Variants in PDXDC1 observed in about 807,000 individuals in gnomAD.
PDXDC1 encodes the protein pyridoxal dependent decarboxylase domain containing 1.
In PDXDC1, 42 loss-of-function variants were observed where a neutral mutation model predicts 100.1. The observed-to-expected ratio is 0.42, with a 90% CI of 0.33 to 0.54. PDXDC1 has a LOEUF of 0.54. Among genes scored for constraint, PDXDC1 ranks in the 20% least tolerant of loss-of-function variants. The pLI is 0.10. For synonymous variants in PDXDC1, 260 were observed against 371.7 expected, an observed-to-expected ratio of 0.70 and a Z score of 3.46; for missense variants, 636 against 979.2, an observed-to-expected ratio of 0.65 and a Z score of 4.68.
At chr16:15,091,308 T>C (rs771387496) in intron 16 of PDXDC1, 31 of 1,602,598 alleles carry the variant, frequency 1.9e-5, no homozygotes, top group Non-Finnish European at 2.5e-5. Context: ...AACACAAAAT[T>C]AATTACCTTT....
chr16:15,135,837 G>GT, intron 16 of PDXDC1: 1 of 1,475,542 alleles, frequency 6.8e-7, no homozygotes, highest in Non-Finnish European at 9.5e-7. Flanking sequence ...TGGATGCTCC[G>GT]TGCCAGTGGC....
At chr16:15,015,560 C>CA (rs1220564227) in intron 8 of PDXDC1, among the ~76,000 whole-genome samples, 1 of 152,162 alleles carries the variant, frequency 6.6e-6, no homozygotes, top group Non-Finnish European at 1.5e-5. Flanking sequence ...ACTAAAAATA[C>CA]AAAAAAATTA....
At chr16:15,028,275 T>C (rs1218031015) in intron 14 of PDXDC1, among the ~76,000 whole-genome samples, 1 of 152,296 alleles carries the variant, frequency 6.6e-6, no homozygotes, top group Non-Finnish European at 1.5e-5. Flanking sequence ...TCTCTTCTGG[T>C]GCCAGCTCCT....
chr16:15,109,892 G>T (rs1598116825), intron 16 of PDXDC1, among the ~76,000 whole-genome samples: 2 of 140,652 alleles, frequency 1.4e-5, no homozygotes, highest in South Asian at 4.6e-4. Context: ...GGTGGCTCAC[G>T]CCTCTAATCC....
chr16:15,152,286 G>A, the PDXDC1 span, among the ~76,000 whole-genome samples: 1 of 131,030 alleles, frequency 7.6e-6, no homozygotes, highest in Non-Finnish European at 1.7e-5. Flanking sequence ...CACCCAGACA[G>A]CAACGCTCCT....
At chr16:15,017,601 A>T (rs1008591662) in intron 11 of PDXDC1, among the ~76,000 whole-genome samples, 179 bp downstream of exon 11, 2 of 152,294 alleles carry the variant, frequency 1.3e-5, no homozygotes, top group Non-Finnish European at 2.9e-5. Context: ...ATTGTATAAT[A>T]TTCTGTCACA....
At chr16:15,130,633 A>G in intron 16 of PDXDC1, 1 of 1,289,978 alleles carries the variant, frequency 7.8e-7, no homozygotes. Context: ...CGCAGAGCTC[A>G]CCCCGGGGAA....
chr16:15,017,830 C>T (rs2151504148), intron 11 of PDXDC1, among the ~76,000 whole-genome samples: 1 of 150,932 alleles, frequency 6.6e-6, no homozygotes, highest in South Asian at 2.1e-4. Context: ...CTCGCTCTGT[C>T]ACCCAGGCTG....
At chr16:15,140,526 A>T (rs2048454868), downstream of PDXDC1, among the ~76,000 whole-genome samples, 1 of 152,082 alleles carries the variant, frequency 6.6e-6, no homozygotes, top group African/African-American at 2.4e-5. Context: ...CAAAAACAAA[A>T]AAAGAAAAAC....
At chr16:15,069,636 A>G (rs1249672636) in intron 16 of PDXDC1, among the ~76,000 whole-genome samples, 2 of 152,190 alleles carry the variant, frequency 1.3e-5, no homozygotes, top group Non-Finnish European at 2.9e-5. Context: ...GCCACTAACC[A>G]TGTGATCTTG....
At chr16:15,078,033 G>C (rs2045539474) in intron 16 of PDXDC1, among the ~76,000 whole-genome samples, 1 of 152,084 alleles carries the variant, frequency 6.6e-6, no homozygotes, top group Non-Finnish European at 1.5e-5. Context: ...TATTTATTTT[G>C]GTATATCACC....
Position 15,034,264 on chromosome 16 carries a change from GTCTT to G in PDXDC1, c.1813-17_1813-14del. 1.2e-6 allele frequency: 2 copies of G among 1,608,788 alleles called. No individual in the cohort carries two copies. Among genetic ancestry groups the G allele is most frequent in the Non-Finnish European group, 1.7e-6 (2 of 1,176,306 alleles). On this transcript the variant is annotated intron_variant, in intron 19 of 22. Transcript: ENST00000396410. Reference sequence around the variant, plus strand: ...CAGGTGAGAACCTTAAACAAGTAATGTCTTTCTTGGTCTTGCCACAGCTTCTGGA... The same window carrying G: ...CAGGTGAGAACCTTAAACAAGTAATGTCTTGGTCTTGCCACAGCTTCTGGA...
intron 3 of PDXDC1, among the ~76,000 whole-genome samples, chr16:15,001,204 A>G (rs1238009307): frequency 6.6e-6 from 1 of 151,836 alleles, no homozygotes; most frequent in Non-Finnish European, 1.5e-5. Flanking sequence ...AAAATAAAAA[A>G]ACGGCTGGGC....
At chr16:15,101,380 G>A (rs1166656239) in intron 16 of PDXDC1, among the ~76,000 whole-genome samples, 4 of 152,146 alleles carry the variant, frequency 2.6e-5, no homozygotes, top group African/African-American at 9.7e-5. Context: ...GCAGTGGCAC[G>A]ATCTCGGCTC....
intron 1 of PDXDC1, among the ~76,000 whole-genome samples, chr16:14,981,990 A>G (rs1413946161): frequency 2.0e-5 from 3 of 152,236 alleles, no homozygotes; most frequent in Non-Finnish European, 4.4e-5. Context: ...CACCGCGCCC[A>G]GCTAATTTTT....
At chr16:15,027,629 C>T (rs1385038744) in intron 14 of PDXDC1, among the ~76,000 whole-genome samples, 18 of 152,294 alleles carry the variant, frequency 1.2e-4, no homozygotes, top group Admixed American at 7.8e-4. Flanking sequence ...GGAGTTGGGC[C>T]GCTCAGCGGC....
intron 16 of PDXDC1, chr16:15,083,476 A>C (rs1261042602): frequency 1.2e-6 from 2 of 1,606,174 alleles, no homozygotes; most frequent in South Asian, 2.2e-5. Context: ...CGTACAAACA[A>C]CTTTTCCATG....
chr16:15,068,377 T>A, intron 16 of PDXDC1: 1 of 1,420,474 alleles, frequency 7.0e-7, no homozygotes, highest in Non-Finnish European at 9.4e-7. Flanking sequence ...TAAAAAAAAC[T>A]TTAAAAAATT....
intron 19 of PDXDC1, chr16:15,034,081 G>A (rs2043239767): frequency 5.1e-6 from 3 of 593,592 alleles, no homozygotes. Context: ...TAGCAAATGA[G>A]GCTGGTCACC....
Sources: allele counts gnomAD v4.1 joint callset (sites outside exome capture counted in the v4.1 genomes callset), GRCh38; gene constraint gnomAD v4.1.1; transcripts MANE v1.5; gene names NCBI Gene and HGNC (gene_info 2026-07-23, HGNC 2026-07-21).